Variants in PTH1R observed in about 807,000 individuals in gnomAD.
The protein encoded by PTH1R is parathyroid hormone/parathyroid hormone-related peptide receptor.
In PTH1R, 32 loss-of-function variants were observed where a neutral mutation model predicts 70.7. The observed-to-expected ratio is 0.45, with a 90% CI of 0.34 to 0.61. The LOEUF (loss-of-function observed/expected upper bound fraction) is 0.61. PTH1R is among the 20% of genes least tolerant of loss of function. The probability of loss-of-function intolerance (pLI) is 0.01; values close to 1 mark genes in which losing one functional copy is unlikely to be tolerated. For missense variants in PTH1R, 626 were observed against 792.5 expected (o/e 0.79, Z 2.52); for synonymous variants, 329 against 324.8 (o/e 1.01, Z -0.14).
chr3:46,898,519 C>T (rs1213757403), intron 8 of PTH1R, 47 bp downstream of exon 8: 2 of 1,600,758 alleles, frequency 1.2e-6, no homozygotes, highest in African/African-American at 1.3e-5. Context: ...GGAGGGGGGG[C>T]GGTGGCCGAG....
In PTH1R at chr3:46,895,736, C is replaced by T. The variant is rs761791874; in HGVS notation, c.180C>T (p.Ala60=). The T allele has an allele frequency of 1.2e-6, 2 of 1,614,132 alleles. No homozygotes were observed. The highest frequency in any genetic ancestry group is 1.7e-6 in the Non-Finnish European group (2 of 1,180,016). ...TCATTACCACCCTGGTTTCTCCAGC[C>T]AGCATAATGGAATCAGACAAGGGAT... ...KRLKEVLQRP[A]SIMESDKGWT... Residue 60 remains alanine, a splice_region_variant and synonymous_variant, in exon 5 of 16, where the codon GCC becomes GCT. Coordinates refer to ENST00000449590, the MANE Select transcript of PTH1R (RefSeq NM_000316.3).
In PTH1R at chr3:46,903,693, T is replaced by G; in HGVS notation, c.*37T>G. The G allele has an allele frequency of 6.2e-7, 1 of 1,600,698 alleles. No individual in the cohort carries two copies. The highest frequency in any genetic ancestry group is 8.5e-7 in the Non-Finnish European group (1 of 1,179,676). ...GGGCTGGACCTGCTGACATAGTGGA[T>G]GGACAGATGGACCAAAAGATGGGTG... On this transcript the variant is annotated 3_prime_UTR_variant, in exon 16 of 16. Coordinates refer to ENST00000449590, the MANE Select transcript of PTH1R (RefSeq NM_000316.3). This position sits in a 1 kb window ranked among gnomAD's most constrained non-coding sequence, Gnocchi z 4.4.
At position 46,903,405 on chromosome 3, in the gene PTH1R, C is replaced by T. The variant is rs1575526869; in HGVS notation, c.1531C>T (p.Arg511Cys). The T allele has an allele frequency of 2.5e-6, 4 of 1,613,224 alleles. No individual in the cohort carries two copies. The highest frequency in any genetic ancestry group is 1.7e-5 in the Admixed American group (1 of 60,004). ...CACAAGTGTGACCAATGTCGGCCCC[C>T]GTGTGGGACTCGGCCTGCCCCTCAG... ...SHTSVTNVGP[R>C]VGLGLPLSPR... Residue 511 changes from arginine to cysteine, a missense_variant, in exon 16 of 16, where the codon CGT (arginine) becomes TGT (cysteine). Physicochemically the swap from Arg to Cys is radical, Grantham distance 180 (BLOSUM62 -3). Transcript: ENST00000449590. This position sits in a 1 kb window ranked among gnomAD's most constrained non-coding sequence, Gnocchi z 4.4.
Position 46,879,650 on chromosome 3 carries a change from G to C in PTH1R, c.-105-1412G>C, listed in dbSNP as rs1308565691. Reference sequence around the variant, plus strand: ...TGGTGCCAGCTACATGAGAGGCTGAGGTGAGAGGATTGCTTGAGCCCAGGA... The same window carrying C: ...TGGTGCCAGCTACATGAGAGGCTGACGTGAGAGGATTGCTTGAGCCCAGGA... On this transcript the variant is annotated intron_variant, in intron 1 of 15. Transcript: ENST00000449590. The surrounding 1 kb of genome is among the most constrained non-coding windows in gnomAD (Gnocchi z 4.7). Among the ~76,000 whole-genome samples the C allele has an allele frequency of 1.3e-5, 2 of 152,226 alleles. No homozygotes were observed. Among genetic ancestry groups the C allele is most frequent in the Non-Finnish European group, 2.9e-5 (2 of 68,042 alleles).
In PTH1R at chr3:46,898,167, T is replaced by C; in HGVS notation, c.518T>C (p.Phe173Ser). 1 of 1,614,146 alleles carries C rather than the reference T, an allele frequency of 6.2e-7. No homozygotes were observed. The highest frequency in any genetic ancestry group is 8.5e-7 in the Non-Finnish European group (1 of 1,180,014). ...TWANYSECVK[F>S]LTNETREREV... ...GCCAACTACAGCGAGTGTGTCAAAT[T>C]TCTCACCAATGAGACTCGTGAACGG... The change falls in exon 7 of 16, where the codon TTT (phenylalanine) becomes TCT (serine). Residue 173 changes from phenylalanine (F) to serine (S), a missense_variant. By Grantham distance (155) the Phe-to-Ser change is radical. Coordinates refer to ENST00000449590, the MANE Select transcript of PTH1R (RefSeq NM_000316.3).
rs547236605 is a variant in PTH1R at position 46,887,677 on chromosome 3, T to C, written c.75+4043T>C. Among the ~76,000 whole-genome samples the C allele has an allele frequency of 7.2e-5, 11 of 152,326 alleles. No homozygotes were observed. In the South Asian group the frequency reaches 2.3e-3, roughly 32 times the overall value. On this transcript the variant is annotated intron_variant, in intron 3 of 15. Transcript: ENST00000449590. ...GTCATTTTCTATTTGTCTGGTTGTT[T>C]TTAAATAAATGGCATCGGTTTCTAG...
At position 46,902,680 on chromosome 3, in the gene PTH1R, G is replaced by T. The variant is rs2032197841; in HGVS notation, c.1353+13G>T. ...CAACTCCTTCCAGGTGCGCAGTGCTGGCCCGGGCCTGGCTGAGGGTGGGAG... is the reference window on the plus strand; with the variant it reads ...CAACTCCTTCCAGGTGCGCAGTGCTTGCCCGGGCCTGGCTGAGGGTGGGAG... On this transcript the variant is annotated intron_variant, in intron 14 of 15. Transcript: ENST00000449590. The surrounding 1 kb of genome is among the most constrained non-coding windows in gnomAD (Gnocchi z 5.4). 3.1e-6 allele frequency: 5 copies of T among 1,614,016 alleles called. No individual in the cohort carries two copies. Among genetic ancestry groups the T allele is most frequent in the African/African-American group, 2.7e-5 (2 of 74,908 alleles).
At position 46,891,355 on chromosome 3, in the gene PTH1R, G is replaced by A. The variant is rs2031405765; in HGVS notation, c.76-2552G>A. ...TGTGTTGGTCAGCTTTCGGTGGTCAGGCTGCCCAATGGCCACTCAGTTTTC... is the reference window on the plus strand; with the variant it reads ...TGTGTTGGTCAGCTTTCGGTGGTCAAGCTGCCCAATGGCCACTCAGTTTTC... On this transcript the variant is annotated intron_variant, in intron 3 of 15. Coordinates refer to ENST00000449590, the MANE Select transcript of PTH1R (RefSeq NM_000316.3). This position sits in a 1 kb window ranked among gnomAD's most constrained non-coding sequence, Gnocchi z 4.3. 6.6e-6 allele frequency among the ~76,000 whole-genome samples: 1 copy of A among 152,188 alleles called. No homozygotes were observed. The highest frequency in any genetic ancestry group is 2.4e-5 in the African/African-American group (1 of 41,444).
chr3:46,888,269 C>T (rs1007000230), intron 3 of PTH1R, among the ~76,000 whole-genome samples: 2 of 152,230 alleles, frequency 1.3e-5, no homozygotes, highest in Admixed American at 1.3e-4. Context: ...GGTTATTTGT[C>T]TTTTTCGTAT....
rs149462821 is a variant in PTH1R, at chr3:46,892,126, A to T, written c.76-1781A>T. Among the ~76,000 whole-genome samples, 45 of 152,238 alleles carry T rather than the reference A, an allele frequency of 3.0e-4. No homozygotes were observed. The East Asian group carries it at 8.7e-3, about 29-fold the overall frequency. ...CAGCCAGCTCAGCCATAGCTGGGGA[A>T]GCAAAGAGACTAGGATAGAGGAGCT... is the stretch of plus-strand genomic sequence containing the variant. On this transcript the variant is annotated intron_variant, in intron 3 of 15. Transcript: ENST00000449590. The surrounding 1 kb of genome is among the most constrained non-coding windows in gnomAD (Gnocchi z 5.2).
rs1256136429 is a variant in PTH1R, at chr3:46,892,257, C to G, written c.76-1650C>G. Among the ~76,000 whole-genome samples the G allele has an allele frequency of 6.6e-6, 1 of 152,196 alleles. No individual in the cohort carries two copies. The highest frequency in any genetic ancestry group is 1.5e-5 in the Non-Finnish European group (1 of 68,034). ...TCAGCCCCCAGAGACACCAGAAGCA[C>G]GGGCCACCCACAGACGCAAAGGCTA... On this transcript the variant is annotated intron_variant, in intron 3 of 15. Coordinates refer to ENST00000449590, the MANE Select transcript of PTH1R (RefSeq NM_000316.3). This position sits in a 1 kb window ranked among gnomAD's most constrained non-coding sequence, Gnocchi z 5.2.
At chr3:46,878,045 T>C (rs1281076136) in intron 1 of PTH1R, among the ~76,000 whole-genome samples, 1 of 152,190 alleles carries the variant, frequency 6.6e-6, no homozygotes, top group Non-Finnish European at 1.5e-5. Flanking sequence ...AGAAAGCCCA[T>C]ACCTCTAGCT....
In PTH1R at chr3:46,892,586, C is replaced by G. The variant is rs1418113091; in HGVS notation, c.76-1321C>G. 1.1e-5 allele frequency: 3 copies of G among 274,600 alleles called. No individual in the cohort carries two copies. The Admixed American group carries it at 1.9e-4, about 18-fold the overall frequency. The allele number at this position is 274,600 out of a possible 1,614,324, so 17.0% of individuals were successfully genotyped here. ...GCCCTGGAAGCCCTCGCTGCTGCCG[C>G]CAAGAGACGCGGTCAATTAACTTCT... On this transcript the variant is annotated intron_variant, in intron 3 of 15. Coordinates refer to ENST00000449590, the MANE Select transcript of PTH1R (RefSeq NM_000316.3). This position sits in a 1 kb window ranked among gnomAD's most constrained non-coding sequence, Gnocchi z 5.2.
At position 46,883,455 on chromosome 3, in the gene PTH1R, C is replaced by T. The variant is rs2030795035; in HGVS notation, c.-48-57C>T. On this transcript the variant is annotated intron_variant, in intron 2 of 15. Transcript: ENST00000449590. This position sits in a 1 kb window ranked among gnomAD's most constrained non-coding sequence, Gnocchi z 6.4. ...GCCGGGACGCCGGGGTCCCATAGGCCGGGGCGTGGGCGGGGCGGCCAGCCT... is the reference window on the plus strand; with the variant it reads ...GCCGGGACGCCGGGGTCCCATAGGCTGGGGCGTGGGCGGGGCGGCCAGCCT... The T allele has an allele frequency of 4.0e-6, 4 of 1,008,550 alleles. No homozygotes were observed. Among genetic ancestry groups the T allele is most frequent in the Admixed American group, 4.4e-5 (1 of 22,714 alleles). The allele number at this position is 1,008,550 out of a possible 1,614,324, so 62.5% of individuals were successfully genotyped here.
chr3:46,884,455 GAC>G lies in PTH1R; in HGVS notation c.75+825_75+826del, dbSNP rs1196753476. Among the ~76,000 whole-genome samples, 1 of 152,190 alleles carries G rather than the reference GAC, an allele frequency of 6.6e-6. No homozygotes were observed. The highest frequency in any genetic ancestry group is 1.5e-5 in the Non-Finnish European group (1 of 68,016). ...AGACAGGCAAAGGCAGAAAGCTGGA[GAC>G]ACAGAGTGGGCAGCACCTCCTCCTC... On this transcript the variant is annotated intron_variant, in intron 3 of 15. Transcript: ENST00000449590. This position sits in a 1 kb window ranked among gnomAD's most constrained non-coding sequence, Gnocchi z 4.8.
In PTH1R at chr3:46,898,162, C is replaced by T; in HGVS notation, c.513C>T (p.Val171=). 1.2e-6 allele frequency: 2 copies of T among 1,614,178 alleles called. No homozygotes were observed. Among genetic ancestry groups the T allele is most frequent in the Non-Finnish European group, 1.7e-6 (2 of 1,180,022 alleles). ...NRTWANYSEC[V]KFLTNETRER... is the part of the protein sequence containing the mutation. ...CGTGGGCCAACTACAGCGAGTGTGT[C>T]AAATTTCTCACCAATGAGACTCGTG... Residue 171 remains valine, a synonymous_variant, in exon 7 of 16, where the codon GTC becomes GTT. Transcript: ENST00000449590.
intron 3 of PTH1R, among the ~76,000 whole-genome samples, chr3:46,889,479 G>T (rs879410699): frequency 2.0e-5 from 3 of 152,210 alleles, no homozygotes; most frequent in Admixed American, 2.0e-4. Flanking sequence ...CAAGGCTGCT[G>T]CTTCAGTGTC....
rs1345075663 is a variant in PTH1R at position 46,902,550 on chromosome 3, G to A, written c.1236G>A (p.Val412=). The change falls in exon 14 of 16, where the codon GTG becomes GTA. Residue 412 remains valine (V), a synonymous_variant. Transcript: ENST00000449590. The surrounding 1 kb of genome is among the most constrained non-coding windows in gnomAD (Gnocchi z 5.4). ...QYRKLLKSTL[V]LMPLFGVHYI... is the part of the protein sequence containing the mutation. ...GGAAGCTGCTCAAATCCACGCTGGTGCTCATGCCCCTCTTTGGCGTCCACT... is the reference window on the plus strand; with the variant it reads ...GGAAGCTGCTCAAATCCACGCTGGTACTCATGCCCCTCTTTGGCGTCCACT... 6.2e-7 allele frequency: 1 copy of A among 1,612,666 alleles called. No individual in the cohort carries two copies. The highest frequency in any genetic ancestry group is 1.7e-5 in the Admixed American group (1 of 59,948).
intron 1 of PTH1R, among the ~76,000 whole-genome samples, chr3:46,880,082 A>T (rs972485688): frequency 6.6e-6 from 1 of 152,240 alleles, no homozygotes; most frequent in African/African-American, 2.4e-5. Flanking sequence ...TTAAAATATA[A>T]CACTGAAGAA....
Sources: gnomAD v4.1 joint callset for allele counts (sites outside exome capture counted in the v4.1 genomes callset) on GRCh38, gnomAD v4.1.1 for gene constraint, Gnocchi (gnomAD v3.1) non-coding constraint, MANE v1.5 for transcripts, NCBI Gene and HGNC (gene_info 2026-07-23, HGNC 2026-07-21) for gene names.